Variants in AP3B1 observed in about 807,000 individuals in gnomAD.
AP3B1 encodes AP-3 complex subunit beta-1.
In AP3B1, 61 loss-of-function variants were observed where a neutral mutation model predicts 132.5. That is an observed-to-expected ratio of 0.46 (90% CI 0.37 to 0.57). AP3B1 has a LOEUF of 0.57. Among genes scored for constraint, AP3B1 ranks in the 20% least tolerant of loss-of-function variants. AP3B1 has a pLI of 0.00. For missense variants in AP3B1, 1,120 were observed against 1,289.4 expected (o/e 0.87, Z 2.01); for synonymous variants, 388 against 438.3 (o/e 0.89, Z 1.43).
At chr5:78,231,587 T>C (rs1746656239) in intron 3 of AP3B1, among the ~76,000 whole-genome samples, 1 of 151,854 alleles carries the variant, frequency 6.6e-6, no homozygotes, top group Admixed American at 6.6e-5. Context: ...CCACCAATTG[T>C]AAAACATACC....
At chr5:78,231,464 A>G (rs9293735) in intron 3 of AP3B1, among the ~76,000 whole-genome samples, 50,707 of 151,892 alleles carry the variant, frequency 0.33, 8,565 homozygotes, top group Middle Eastern at 0.43. Flanking sequence ...GTGAGCCACC[A>G]TACCTGGCCT....
chr5:78,186,552 T>G (rs1744614492), intron 7 of AP3B1, among the ~76,000 whole-genome samples: 2 of 152,356 alleles, frequency 1.3e-5, no homozygotes. Context: ...GTTGTAATAC[T>G]GTATTAGAGT....
At chr5:78,096,921 C>T (rs1468627966) in intron 21 of AP3B1, among the ~76,000 whole-genome samples, 1 of 145,850 alleles carries the variant, frequency 6.9e-6, no homozygotes, top group Non-Finnish European at 1.5e-5. Flanking sequence ...GCCGCCCTGT[C>T]CGGGAGGTGA....
At chr5:78,247,282 G>GATAATATAGATA (rs199587885) in intron 2 of AP3B1, among the ~76,000 whole-genome samples, 1 of 148,182 alleles carries the variant, frequency 6.7e-6, no homozygotes, top group South Asian at 2.1e-4. Context: ...ATAATATATA[G>GATAATATAGATA]ATAATATAGA....
chr5:78,191,305 T>C (rs181147209), intron 7 of AP3B1, among the ~76,000 whole-genome samples: 1 of 126,032 alleles, frequency 7.9e-6, no homozygotes, highest in Middle Eastern at 5.3e-3. Flanking sequence ...GAAGAAGTAG[T>C]AAATCTAGAA....
chr5:78,015,844 T>TC (rs1316471229), intron 25 of AP3B1: 5 of 339,580 alleles, frequency 1.5e-5, no homozygotes, highest in Non-Finnish European at 2.8e-5. Flanking sequence ...AATTTCAGTC[T>TC]CTTTAAAGTA....
chr5:78,019,136 T>C (rs1459946066), intron 25 of AP3B1, among the ~76,000 whole-genome samples: 1 of 152,090 alleles, frequency 6.6e-6, no homozygotes, highest in Non-Finnish European at 1.5e-5. Flanking sequence ...CCAGATTTAT[T>C]CAGACAAATA....
At chr5:78,007,769 C>T (rs920785382) in intron 26 of AP3B1, among the ~76,000 whole-genome samples, 21 of 152,058 alleles carry the variant, frequency 1.4e-4, no homozygotes, top group Admixed American at 7.2e-4. Flanking sequence ...GTAAAAAATT[C>T]TATTTTGTTG....
Position 78,158,927 on chromosome 5 carries a change from A to AC in AP3B1, c.1364-2561dup, listed in dbSNP as rs372584363. 3.0e-3 allele frequency among the ~76,000 whole-genome samples: 460 copies of AC among 152,174 alleles called. 4 individuals carry two copies. Among genetic ancestry groups the AC allele is most frequent in the African/African-American group, 0.011 (439 of 41,524 alleles). ...TGGGCAGGCTGGTCTTGAACTCCTG[A>AC]CCTCAGGTGATCCACCCGCCTTGGC... On this transcript the variant is annotated intron_variant, in intron 13 of 26. Transcript: ENST00000255194.
rs980971102 is a variant in AP3B1, at chr5:78,079,264, C to T, written c.2577+10129G>A. Reference sequence around the variant, plus strand: ...GGGTTGAAATATTTCTATTTCATTACAATTTTCTTATATAATTCCTTGGAA... The same window carrying T: ...GGGTTGAAATATTTCTATTTCATTATAATTTTCTTATATAATTCCTTGGAA... On this transcript the variant is annotated intron_variant, in intron 22 of 26. Transcript: ENST00000255194. 4.6e-5 allele frequency among the ~76,000 whole-genome samples: 7 copies of T among 152,194 alleles called. No individual in the cohort carries two copies. In the East Asian group the frequency reaches 1.2e-3, roughly 25 times the overall value.
At chr5:78,014,348 G>C (rs1746765660) in intron 26 of AP3B1, among the ~76,000 whole-genome samples, 1 of 152,152 alleles carries the variant, frequency 6.6e-6, no homozygotes, top group African/African-American at 2.4e-5. Context: ...CAAATCTAAT[G>C]TTCTTTCATA....
chr5:78,105,823 A>G (rs139347333), intron 20 of AP3B1, among the ~76,000 whole-genome samples: 24 of 152,214 alleles, frequency 1.6e-4, no homozygotes, highest in Non-Finnish European at 2.6e-4. Context: ...ACATATTCCA[A>G]TCAATAACAC....
chr5:78,159,542 T>G (rs1221105008), intron 13 of AP3B1, among the ~76,000 whole-genome samples: 2 of 152,122 alleles, frequency 1.3e-5, no homozygotes, highest in Admixed American at 6.5e-5. Context: ...TTCAAAGACC[T>G]CTTCCAACAA....
intron 1 of AP3B1, among the ~76,000 whole-genome samples, chr5:78,272,536 A>G (rs751380319): frequency 6.6e-6 from 1 of 152,226 alleles, no homozygotes; most frequent in Non-Finnish European, 1.5e-5. Flanking sequence ...GCAATGAACA[A>G]AAGTGATAGG....
chr5:78,087,966 G>A (rs1750337086), intron 22 of AP3B1, among the ~76,000 whole-genome samples: 1 of 152,086 alleles, frequency 6.6e-6, no homozygotes, highest in South Asian at 2.1e-4. Flanking sequence ...TATTCTCTTA[G>A]GAAAATGAGG....
At chr5:78,177,666 T>C (rs1744204958) in intron 8 of AP3B1, among the ~76,000 whole-genome samples, 1 of 151,948 alleles carries the variant, frequency 6.6e-6, no homozygotes, top group South Asian at 2.1e-4. Flanking sequence ...ATTATTAATA[T>C]AAGAATTGAA....
At chr5:78,008,399 T>C (rs865882229) in intron 26 of AP3B1, among the ~76,000 whole-genome samples, 3 of 152,314 alleles carry the variant, frequency 2.0e-5, no homozygotes, top group African/African-American at 4.8e-5. Context: ...TAGAGAATGT[T>C]TTAAAGTAAA....
At chr5:78,224,078 A>C (rs1023497366) in intron 6 of AP3B1, among the ~76,000 whole-genome samples, 1 of 152,172 alleles carries the variant, frequency 6.6e-6, no homozygotes, top group Non-Finnish European at 1.5e-5. Flanking sequence ...GTATTTTTTT[A>C]AATTATTAAA....
chr5:78,118,219 C>T (rs933191476), intron 17 of AP3B1, among the ~76,000 whole-genome samples: 8 of 152,110 alleles, frequency 5.3e-5, no homozygotes, highest in East Asian at 1.9e-4. Flanking sequence ...CCAAGATGGC[C>T]GAATAGGAAC....
Sources: gnomAD v4.1 joint callset for allele counts (sites outside exome capture counted in the v4.1 genomes callset) on GRCh38, gnomAD v4.1.1 for gene constraint, MANE v1.5 for transcripts, NCBI Gene and HGNC (gene_info 2026-07-23, HGNC 2026-07-21) for gene names.